The following TG variants were observed in gnomAD, a reference collection of about 807,000 sequenced individuals.
TG encodes thyroid hormones.
In TG, 270 loss-of-function variants were observed where a neutral mutation model predicts 324.7. The observed-to-expected ratio is 0.83, with a 90% CI of 0.75 to 0.92. The LOEUF is 0.92. Among genes scored for constraint, TG ranks in the 40% least tolerant of loss-of-function variants. TG has a pLI of 0.00. For synonymous variants in TG, 1,401 were observed against 1,327.0 expected (o/e 1.06, Z -1.21); for missense variants, 3,591 against 3,456.4 (o/e 1.04, Z -0.98).
chr8:132,894,306 G>A (rs1473958609), intron 11 of TG, among the ~76,000 whole-genome samples: 1 of 152,118 alleles, frequency 6.6e-6, no homozygotes, highest in Admixed American at 6.5e-5. Flanking sequence ...AGCAGGAGGG[G>A]AGAGGAAGCC....
intron 26 of TG, among the ~76,000 whole-genome samples, 156 bp downstream of exon 26, chr8:132,941,698 TACTC>T (rs1254871349): frequency 1.3e-5 from 2 of 152,230 alleles, no homozygotes; most frequent in African/African-American, 2.4e-5. Context: ...ACACACATGA[TACTC>T]ACATTCACAT....
rs568664480 is a variant in TG at position 132,972,431 on chromosome 8, C to G, written c.6056-167C>G. 2.8e-4 allele frequency: 207 copies of G among 747,008 alleles called. 1 individual carries two copies. The African/African-American group carries it at 3.3e-3, about 12-fold the overall frequency. The allele number at this position is 747,008 out of a possible 1,614,324, so 46.3% of individuals were successfully genotyped here. A position where few individuals can be genotyped will look rare whatever the true frequency, so the allele number is the denominator to read the frequency against. ...TCTTAGATCAGAGGCTCCTTGAGTT[C>G]AGGTACCAGGTTTTTCAGCAGTGGC... is the stretch of plus-strand genomic sequence containing the variant. On this transcript the variant is annotated intron_variant, in intron 33 of 47. Coordinates refer to ENST00000220616, the MANE Select transcript of TG (RefSeq NM_003235.5).
rs537695204 is a variant in TG, at chr8:132,962,501, T to A, written c.5468-493T>A. ...GGACATTTGCCGCACTACAGAGAAG[T>A]GCCTTAAGGCCTGCCTGATACCTGC... On this transcript the variant is annotated intron_variant, in intron 28 of 47. Coordinates refer to ENST00000220616, the MANE Select transcript of TG (RefSeq NM_003235.5). 3.3e-5 allele frequency among the ~76,000 whole-genome samples: 5 copies of A among 152,308 alleles called. No homozygotes were observed. In the East Asian group the frequency reaches 9.7e-4, roughly 29 times the overall value.
chr8:132,949,809 G>A (rs1415693070), intron 27 of TG, among the ~76,000 whole-genome samples: 1 of 152,176 alleles, frequency 6.6e-6, no homozygotes, highest in Non-Finnish European at 1.5e-5. Flanking sequence ...CCAGAGATGG[G>A]CAGTTAGTGC....
chr8:132,959,190 A>G (rs1333343050), intron 27 of TG, among the ~76,000 whole-genome samples: 1 of 152,128 alleles, frequency 6.6e-6, no homozygotes, highest in East Asian at 1.9e-4. Context: ...CCCCGGGGAG[A>G]CTTGTCACTT....
intron 27 of TG, among the ~76,000 whole-genome samples, chr8:132,959,447 A>G (rs746137580): frequency 6.6e-6 from 1 of 152,230 alleles, no homozygotes; most frequent in Non-Finnish European, 1.5e-5. Flanking sequence ...CTTGATACTG[A>G]CATTTCAGAT....
rs753041034 is a variant in TG at position 132,935,882 on chromosome 8, G to T, written c.5041+18G>T. ...GAAAAAGGGTAGGTTGGTCAGGCTG[G>T]TTGGCTTAGGCCCGCGGTGGCTTCA... is the stretch of plus-strand genomic sequence containing the variant. On this transcript the variant is annotated intron_variant, in intron 25 of 47. Transcript: ENST00000220616. 6.2e-7 allele frequency: 1 copy of T among 1,604,618 alleles called. No individual in the cohort carries two copies. Among genetic ancestry groups the T allele is most frequent in the Admixed American group, 1.7e-5 (1 of 59,936 alleles).
chr8:132,925,468 G>A (rs879715249), intron 22 of TG, among the ~76,000 whole-genome samples: 7 of 151,342 alleles, frequency 4.6e-5, no homozygotes, highest in Non-Finnish European at 7.4e-5. Flanking sequence ...AATTCTCAGA[G>A]CAATCATTTC....
chr8:133,058,206 A>G (rs1841809900), intron 41 of TG, among the ~76,000 whole-genome samples: 1 of 152,196 alleles, frequency 6.6e-6, no homozygotes, highest in Non-Finnish European at 1.5e-5. Context: ...AGAAAAGAGG[A>G]AACAACGTTA....
At chr8:133,118,209 A>G (rs1850852389) in intron 45 of TG, among the ~76,000 whole-genome samples, 1 of 151,818 alleles carries the variant, frequency 6.6e-6, no homozygotes, top group Non-Finnish European at 1.5e-5. Context: ...CCTTCCTGCC[A>G]TTCCCCAATA....
chr8:133,132,245 C>T (rs1851999862), intron 46 of TG, among the ~76,000 whole-genome samples: 1 of 152,182 alleles, frequency 6.6e-6, no homozygotes, highest in African/African-American at 2.4e-5. Flanking sequence ...TTGGCTGTGT[C>T]CTGTGCATTG....
chr8:133,106,289 G>A (rs1196638116), intron 43 of TG: 5 of 483,488 alleles, frequency 1.0e-5, no homozygotes, highest in Admixed American at 1.3e-4. Context: ...GCAGCAGGAG[G>A]CAGGGCCAGG....
At chr8:132,917,031 C>CCTTCCT (rs1563951757) in intron 20 of TG, among the ~76,000 whole-genome samples, 57 of 77,098 alleles carry the variant, frequency 7.4e-4, no homozygotes, top group African/African-American at 2.2e-3. Context: ...CCATGCCTCC[C>CCTTCCT]TCCCTCCCTC....
chr8:133,103,175 G>A (rs1849480311), intron 43 of TG: 1 of 153,950 alleles, frequency 6.5e-6, no homozygotes, highest in Admixed American at 6.4e-5. Flanking sequence ...ACAATTCTTA[G>A]CTTTAGCCAC....
chr8:132,903,965 C>T (rs1818304280), intron 16 of TG, among the ~76,000 whole-genome samples: 1 of 152,184 alleles, frequency 6.6e-6, no homozygotes, highest in African/African-American at 2.4e-5. Flanking sequence ...ACTATTTTTG[C>T]CAGTATTACT....
chr8:133,053,076 C>T lies in TG; in HGVS notation c.7239+23053C>T, dbSNP rs2739181. On this transcript the variant is annotated intron_variant, in intron 41 of 47. Transcript: ENST00000220616. ...CAGGCACCCTGGTTCTCAGAGCCTC[C>T]GGATAGGCTGTTCCCTCTGCCTGGA... Among the ~76,000 whole-genome samples, 1,388 of 152,290 alleles carry T rather than the reference C, an allele frequency of 9.1e-3. 25 individuals are homozygous for T. The highest frequency in any genetic ancestry group is 0.035 in the South Asian group (169 of 4,820).
At chr8:133,038,898 G>C (rs1483301675) in intron 41 of TG, among the ~76,000 whole-genome samples, 1 of 152,174 alleles carries the variant, frequency 6.6e-6, no homozygotes, top group Non-Finnish European at 1.5e-5. Context: ...TTTATTTTAA[G>C]ATGGAGTCTC....
rs76423698 is a variant in TG, at chr8:133,113,936, G to A, written c.7754+333G>A. Among the ~76,000 whole-genome samples, 410 of 152,342 alleles carry A rather than the reference G, an allele frequency of 2.7e-3. 2 individuals are homozygous for A. The highest frequency in any genetic ancestry group is 9.4e-3 in the African/African-American group (391 of 41,584). ...GGTGCACGCTCCACCTGAAGCAGCCGCTCAGCAAATGCTCAGGACAACCTT... is the reference window on the plus strand; with the variant it reads ...GGTGCACGCTCCACCTGAAGCAGCCACTCAGCAAATGCTCAGGACAACCTT... On this transcript the variant is annotated intron_variant, in intron 44 of 47. Coordinates refer to ENST00000220616, the MANE Select transcript of TG (RefSeq NM_003235.5).
chr8:133,074,816 C>T, intron 41 of TG: 1 of 982,320 alleles, frequency 1.0e-6, no homozygotes, highest in Non-Finnish European at 1.2e-6. Context: ...CCTGAAGTCT[C>T]TCCCCACCCC....
Sources: gnomAD v4.1 joint callset for allele counts (sites outside exome capture counted in the v4.1 genomes callset) on GRCh38, gnomAD v4.1.1 for gene constraint, MANE v1.5 for transcripts, NCBI Gene and HGNC (gene_info 2026-07-23, HGNC 2026-07-21) for gene names.